The following BPTF variants were observed in gnomAD, a reference collection of about 807,000 sequenced individuals.
BPTF encodes the protein nucleosome-remodeling factor subunit BPTF.
A neutral mutation model predicts 292.5 loss-of-function variants in BPTF; 18 were observed. The ratio of observed to expected loss-of-function variants is 0.06; its 90% CI spans 0.04 to 0.09. The LOEUF (loss-of-function observed/expected upper bound fraction) is 0.09, where lower values mean the gene tolerates loss of function less well. Ranked by LOEUF, BPTF falls within the 10% of genes least tolerant of loss-of-function variation. BPTF has a pLI of 1.00. For missense variants in BPTF, 2,726 were observed against 3,498.7 expected (o/e 0.78, Z 5.57); for synonymous variants, 1,225 against 1,251.9 (o/e 0.98, Z 0.45).
intron 2 of BPTF, among the ~76,000 whole-genome samples, chr17:67,858,069 A>G (rs529410646): frequency 2.9e-4 from 44 of 152,234 alleles, no homozygotes; most frequent in Middle Eastern, 3.4e-3. Context: ...TACAGGCGTG[A>G]GCCACCGTGC....
rs1598048200 is a variant in BPTF, at chr17:67,825,767, C to G, written c.43C>G (p.Pro15Ala). The change falls in exon 1 of 28, where the codon CCC becomes GCC. Residue 15 changes from proline to alanine, a missense_variant. By Grantham distance (27) the Pro-to-Ala change is conservative. Coordinates refer to ENST00000306378, the MANE Select transcript of BPTF (RefSeq NM_182641.4). ...RGRPPKQPAA[P>A]AAERCAPAPP... ...CAGGCCGCCCAAGCAGCCCGCGGCT[C>G]CCGCTGCGGAGCGCTGCGCCCCGGC... 1 of 1,046,632 alleles carries G rather than the reference C, an allele frequency of 9.6e-7. No homozygotes were observed. The allele number at this position is 1,046,632 out of a possible 1,614,324, so 64.8% of individuals were successfully genotyped here.
Position 67,853,957 on chromosome 17 carries a change from G to A in BPTF, c.631G>A (p.Val211Ile). Residue 211 changes from valine to isoleucine, a missense_variant, in exon 2 of 28, where the codon GTA becomes ATA. Around this residue, in one of 22 missense-constraint regions of BPTF, gnomAD observed 153 missense variants for 178.3 expected, o/e 0.86. Coordinates refer to ENST00000306378, the MANE Select transcript of BPTF (RefSeq NM_182641.4). ...SSTPGRRKPR[V>I]HRPRSPILEE... is the part of the protein sequence containing the mutation. ...ATCTACAGGTAGGCGAAAACCAAGA[G>A]TACATCGGCCTCGTTCTCCTATATT... 1.9e-6 allele frequency: 3 copies of A among 1,611,272 alleles called. No homozygotes were observed. The highest frequency in any genetic ancestry group is 2.5e-6 in the Non-Finnish European group (3 of 1,177,728).
intron 3 of BPTF, 69 bp from the exon 4 acceptor site, chr17:67,874,748 G>A (rs2059950932): frequency 3.0e-6 from 3 of 1,014,642 alleles, no homozygotes; most frequent in Admixed American, 2.3e-5. Flanking sequence ...ACTCGTAAGT[G>A]ACATTTGTGG....
Position 67,975,833 on chromosome 17 carries a change from G to T in BPTF, c.8601G>T (p.Val2867=). The part of the protein sequence containing the change: ...RRYYEKLTEF[V]ADMTKIFDNC... ...ATTATGAAAAGCTGACGGAATTTGT[G>T]GCAGATATGACCAAAATTTTTGATA... The change falls in exon 27 of 28, where the codon GTG becomes GTT. Residue 2867 remains valine, a synonymous_variant. Transcript: ENST00000306378. The T allele has an allele frequency of 6.2e-7, 1 of 1,613,980 alleles. No homozygotes were observed. Among genetic ancestry groups the T allele is most frequent in the Non-Finnish European group, 8.5e-7 (1 of 1,179,968 alleles).
intron 1 of BPTF, among the ~76,000 whole-genome samples, chr17:67,833,595 A>G (rs1382250060): frequency 1.3e-5 from 2 of 149,216 alleles, no homozygotes; most frequent in African/African-American, 4.9e-5. Flanking sequence ...TTTTTGAGAC[A>G]GAGTCTCTTG....
intron 2 of BPTF, among the ~76,000 whole-genome samples, chr17:67,860,151 GC>G (rs2058989713): frequency 6.6e-6 from 1 of 152,120 alleles, no homozygotes; most frequent in Admixed American, 6.5e-5. Flanking sequence ...CTTTTTCCAT[GC>G]TGTGATATTT....
At chr17:67,923,208 A>T (rs11652505) in intron 14 of BPTF, among the ~76,000 whole-genome samples, 3 of 151,700 alleles carry the variant, frequency 2.0e-5, no homozygotes, top group Non-Finnish European at 4.4e-5. Context: ...GGTGCATGCC[A>T]CCACGCCCAG....
intron 9 of BPTF, among the ~76,000 whole-genome samples, chr17:67,905,955 A>G (rs2146713656): frequency 6.6e-6 from 1 of 152,276 alleles, no homozygotes; most frequent in Admixed American, 6.5e-5. Flanking sequence ...ATGTAAATGT[A>G]GAGTTAATGG....
chr17:67,871,166 AT>A (rs1254500477), intron 3 of BPTF, among the ~76,000 whole-genome samples: 1 of 152,016 alleles, frequency 6.6e-6, no homozygotes, highest in Non-Finnish European at 1.5e-5. Flanking sequence ...TGATAGTTAA[AT>A]TTTTCTTCTC....
At chr17:67,981,866 AACACACACACACACACACACAC>A (rs60203396) in intron 27 of BPTF, 1 of 133,936 alleles carries the variant, frequency 7.5e-6, no homozygotes, top group Non-Finnish European at 1.6e-5. Context: ...AATGTAAATA[AACACACACACACACACACACAC>A]ACACACACAC....
intron 1 of BPTF, among the ~76,000 whole-genome samples, chr17:67,850,046 GTCC>G (rs2058295523): frequency 5.9e-5 from 9 of 152,166 alleles, no homozygotes; most frequent in African/African-American, 1.9e-4. Context: ...TCTCACTGTA[GTCC>G]TGTATTTACT....
chr17:67,873,992 CTGGA>C (rs34261763), intron 3 of BPTF, among the ~76,000 whole-genome samples: 42 of 150,446 alleles, frequency 2.8e-4, no homozygotes, highest in East Asian at 4.0e-4. Flanking sequence ...TAAGAAAATG[CTGGA>C]TGGATGGATG....
chr17:67,900,336 C>A (rs1163975321), intron 7 of BPTF, among the ~76,000 whole-genome samples: 1 of 151,856 alleles, frequency 6.6e-6, no homozygotes, highest in African/African-American at 2.4e-5. Flanking sequence ...AACTCCTGTG[C>A]TCAAGTGATC....
At chr17:67,980,512 A>G (rs180948654) in intron 27 of BPTF, among the ~76,000 whole-genome samples, 1 of 152,292 alleles carries the variant, frequency 6.6e-6, no homozygotes, top group East Asian at 1.9e-4. Flanking sequence ...TTCAGTTTCT[A>G]AAATTGCTTT....
At chr17:67,840,561 T>C (rs1316048257) in intron 1 of BPTF, among the ~76,000 whole-genome samples, 3 of 149,754 alleles carry the variant, frequency 2.0e-5, no homozygotes, top group Non-Finnish European at 3.0e-5. Flanking sequence ...TCCTCCTCCT[T>C]TCTATTTTTT....
intron 4 of BPTF, among the ~76,000 whole-genome samples, chr17:67,877,486 G>T (rs533596287): frequency 6.6e-6 from 1 of 152,312 alleles, no homozygotes; most frequent in South Asian, 2.1e-4. Context: ...AACAATAGCC[G>T]TGATAGAAGA....
At chr17:67,864,927 C>T (rs1051461148) in intron 2 of BPTF, among the ~76,000 whole-genome samples, 2 of 152,136 alleles carry the variant, frequency 1.3e-5, no homozygotes, top group Admixed American at 6.5e-5. Flanking sequence ...GCCTCAGGCT[C>T]CCGGGTAGCT....
At chr17:67,924,859 G>A (rs1291388298) in intron 15 of BPTF, among the ~76,000 whole-genome samples, 1 of 151,880 alleles carries the variant, frequency 6.6e-6, no homozygotes, top group Non-Finnish European at 1.5e-5. Context: ...TGGTTCAAGC[G>A]GTCCTCAGCC....
chr17:67,965,186 A>G (rs530850234), intron 25 of BPTF: 3 of 151,542 alleles, frequency 2.0e-5, no homozygotes, highest in Non-Finnish European at 4.4e-5. Flanking sequence ...TACTAAAAAT[A>G]CAAAAAATTA....
Sources: allele counts gnomAD v4.1 joint callset (sites outside exome capture counted in the v4.1 genomes callset), GRCh38; gene constraint gnomAD v4.1.1; regional missense constraint gnomAD v4.1.1; transcripts MANE v1.5; gene names NCBI Gene and HGNC (gene_info 2026-07-23, HGNC 2026-07-21).